Variants in KCNQ5 observed in about 807,000 individuals in gnomAD.
The protein encoded by KCNQ5 is potassium voltage-gated channel subfamily KQT member 5.
KCNQ5 carries 30 observed loss-of-function variants against 98.2 expected under a neutral mutation model. The observed-to-expected ratio is 0.31, with a 90% CI of 0.23 to 0.41. The LOEUF is 0.41. Among genes scored for constraint, KCNQ5 ranks in the 10% least tolerant of loss-of-function variants. KCNQ5 has a pLI of 1.00. For synonymous variants in KCNQ5, 458 were observed against 449.4 expected, an observed-to-expected ratio of 1.02 and a Z score of -0.24; for missense variants, 835 against 1,182.5, an observed-to-expected ratio of 0.71 and a Z score of 4.31.
chr6:72,750,154 A>G (rs1582219324), intron 1 of KCNQ5, among the ~76,000 whole-genome samples: 1 of 152,064 alleles, frequency 6.6e-6, no homozygotes, highest in Non-Finnish European at 1.5e-5. Flanking sequence ...TCTGGCCACA[A>G]TGTGAGTCTT....
chr6:73,033,952 T>C (rs1771274819), intron 2 of KCNQ5, among the ~76,000 whole-genome samples: 1 of 152,204 alleles, frequency 6.6e-6, no homozygotes, highest in African/African-American at 2.4e-5. Flanking sequence ...GGATTGATGA[T>C]GGTATGTGAT....
chr6:73,194,369 G>T, intron 13 of KCNQ5, 83 bp from the exon 14 acceptor site: 2 of 1,256,184 alleles, frequency 1.6e-6, no homozygotes, highest in South Asian at 1.5e-5. Flanking sequence ...GGCACACCTT[G>T]ACTTCATTTT....
At chr6:73,176,668 G>T (rs1037186130) in intron 11 of KCNQ5, among the ~76,000 whole-genome samples, 4 of 152,194 alleles carry the variant, frequency 2.6e-5, no homozygotes, top group Non-Finnish European at 5.9e-5. Flanking sequence ...ATGGATTTCA[G>T]ATAGGATTTG....
At chr6:72,987,540 C>T (rs1768846177) in intron 1 of KCNQ5, 1 of 659,944 alleles carries the variant, frequency 1.5e-6, no homozygotes, top group Non-Finnish European at 2.8e-6. Flanking sequence ...CCTCCAAGCC[C>T]CGCAGCACGA....
Position 73,074,641 on chromosome 6 carries a change from A to T in KCNQ5, c.617-2681A>T, listed in dbSNP as rs543994802. ...AACAAACCGATAGCTGAGTTTTTTT[A>T]AAAATGAATACAATATATGCTTTTT... On this transcript the variant is annotated intron_variant, in intron 3 of 13. Coordinates refer to ENST00000370398, the MANE Select transcript of KCNQ5 (RefSeq NM_019842.4). Among the ~76,000 whole-genome samples the T allele has an allele frequency of 6.9e-4, 105 of 152,228 alleles. 1 individual carries two copies. Among genetic ancestry groups the T allele is most frequent in the Non-Finnish European group, 1.2e-3 (84 of 68,006 alleles).
chr6:72,734,535 A>T (rs996263063), intron 1 of KCNQ5, among the ~76,000 whole-genome samples: 64 of 152,128 alleles, frequency 4.2e-4, no homozygotes, highest in African/African-American at 1.4e-3. Context: ...TATTTTTTTT[A>T]AATGTAGCAT....
At chr6:73,171,378 T>A (rs1376885776) in intron 11 of KCNQ5, among the ~76,000 whole-genome samples, 1 of 152,128 alleles carries the variant, frequency 6.6e-6, no homozygotes, top group Non-Finnish European at 1.5e-5. Context: ...GTTTGGACAA[T>A]CAATTATATG....
In KCNQ5 at chr6:72,761,916, G is replaced by A. The variant is rs375165312; in HGVS notation, c.398+139329G>A. 2.0e-5 allele frequency among the ~76,000 whole-genome samples: 3 copies of A among 152,080 alleles called. No individual in the cohort carries two copies. In the East Asian group the frequency reaches 5.8e-4, roughly 29 times the overall value. ...TAGAAGTCCCCCAGATTCCTAGATA[G>A]TATCTGGAAGCATCCAGGGCCTGGT... On this transcript the variant is annotated intron_variant, in intron 1 of 13. Coordinates refer to ENST00000370398, the MANE Select transcript of KCNQ5 (RefSeq NM_019842.4).
chr6:73,108,045 G>A (rs1250092290), intron 6 of KCNQ5, among the ~76,000 whole-genome samples: 1 of 152,180 alleles, frequency 6.6e-6, no homozygotes, highest in Non-Finnish European at 1.5e-5. Flanking sequence ...TGGATTGTGG[G>A]CTGCCCCTAT....
chr6:72,934,846 A>C (rs980625936), intron 1 of KCNQ5, among the ~76,000 whole-genome samples: 1 of 152,144 alleles, frequency 6.6e-6, no homozygotes, highest in African/African-American at 2.4e-5. Flanking sequence ...TTCTTGCAAC[A>C]GTCACTTTAG....
At chr6:73,160,411 GA>G (rs1777572141) in intron 10 of KCNQ5, among the ~76,000 whole-genome samples, 1 of 152,202 alleles carries the variant, frequency 6.6e-6, no homozygotes, top group Non-Finnish European at 1.5e-5. Context: ...AAAAGAGAAA[GA>G]GGGCCAAAGC....
chr6:72,764,364 TA>T (rs1253935668), intron 1 of KCNQ5, among the ~76,000 whole-genome samples: 3 of 151,998 alleles, frequency 2.0e-5, no homozygotes, highest in Non-Finnish European at 4.4e-5. Context: ...GTGTGACAAA[TA>T]AATATTAAGT....
At chr6:72,900,342 C>T (rs895541054) in intron 1 of KCNQ5, among the ~76,000 whole-genome samples, 1 of 147,944 alleles carries the variant, frequency 6.8e-6, no homozygotes, top group Admixed American at 6.8e-5. Flanking sequence ...ATATATATAT[C>T]TCATCCTATA....
At chr6:72,810,841 T>A (rs2150104083) in intron 1 of KCNQ5, among the ~76,000 whole-genome samples, 1 of 152,340 alleles carries the variant, frequency 6.6e-6, no homozygotes, top group Non-Finnish European at 1.5e-5. Flanking sequence ...ATTAACAATT[T>A]TCCCCAGCTA....
intron 11 of KCNQ5, among the ~76,000 whole-genome samples, chr6:73,181,372 G>T (rs1778398894): frequency 1.3e-5 from 2 of 152,204 alleles, no homozygotes. Context: ...ATGAAGAAAA[G>T]AAGCAGATGA....
At chr6:72,789,488 T>C (rs1165331075) in intron 1 of KCNQ5, among the ~76,000 whole-genome samples, 1 of 152,222 alleles carries the variant, frequency 6.6e-6, no homozygotes, top group Non-Finnish European at 1.5e-5. Flanking sequence ...GTTTTCTTGA[T>C]ACATACAAAA....
intron 1 of KCNQ5, among the ~76,000 whole-genome samples, chr6:72,790,694 A>T (rs1773991807): frequency 1.3e-5 from 2 of 152,258 alleles, no homozygotes; most frequent in African/African-American, 2.4e-5. Flanking sequence ...ACAAAGAATA[A>T]ATGCTTAAGG....
At chr6:72,770,729 A>T (rs1223629782) in intron 1 of KCNQ5, among the ~76,000 whole-genome samples, 2 of 152,146 alleles carry the variant, frequency 1.3e-5, no homozygotes, top group East Asian at 3.9e-4. Context: ...TAGTATTTGC[A>T]TGCGAATATC....
chr6:72,865,020 C>T (rs148859710), intron 1 of KCNQ5, among the ~76,000 whole-genome samples: 193 of 152,312 alleles, frequency 1.3e-3, no homozygotes, highest in African/African-American at 4.5e-3. Flanking sequence ...TGTTGAGAAC[C>T]TTCTACCTGT....
Sources: gnomAD v4.1 joint callset for allele counts (sites outside exome capture counted in the v4.1 genomes callset) on GRCh38, gnomAD v4.1.1 for gene constraint, MANE v1.5 for transcripts, NCBI Gene and HGNC (gene_info 2026-07-23, HGNC 2026-07-21) for gene names.